Variants in DDX3X observed in about 807,000 individuals in gnomAD.
DDX3X encodes the protein DEAD-box helicase 3 X-linked, also known as ATP-dependent RNA helicase DDX3X.
DDX3X carries 4 observed loss-of-function variants against 52.7 expected under a neutral mutation model. The ratio of observed to expected loss-of-function variants is 0.08; its 90% CI spans 0.04 to 0.17. DDX3X has a LOEUF of 0.17. Ranked by LOEUF, DDX3X falls within the 10% of genes least tolerant of loss-of-function variation. The pLI, the probability that DDX3X is intolerant of heterozygous loss-of-function variation, is 1.00. For synonymous variants in DDX3X, 192 were observed against 178.1 expected (o/e 1.08, Z -0.62); for missense variants, 222 against 548.6 (o/e 0.40, Z 5.95).
At chrX:41,351,903 G>A (rs1162012165), downstream of DDX3X, among the ~76,000 whole-genome samples, 1 of 110,709 alleles carries the variant, frequency 9.0e-6, no homozygotes, top group Non-Finnish European at 1.9e-5. Flanking sequence ...TTTGTGACTT[G>A]GAAAGATGTT....
chrX:41,346,833 A>G (rs1157420174), intron 14 of DDX3X, 26 bp from the exon 15 acceptor site: 37 of 1,178,212 alleles, frequency 3.1e-5, no homozygotes, highest in East Asian at 6.0e-5. Flanking sequence ...ACCTTTGTTT[A>G]TATACTTTTT....
At chrX:41,360,357 G>A (rs1229806910) in intron 5 of DDX3X, among the ~76,000 whole-genome samples, 1 of 107,467 alleles carries the variant, frequency 9.3e-6, no homozygotes, top group African/African-American at 3.4e-5. Context: ...CAGCCTGGGC[G>A]GCAGAGTAAA....
Position 41,344,409 on chromosome X carries a change from ATTTTGTTTTTGTTTTTTTG to A in DDX3X, c.1025+20_1025+38del, listed in dbSNP as rs1268036555. ...GATTAGACTTTTGCAAGTATGTTTT[ATTTTGTTTTTGTTTTTTTG>A]TTTTGTTTTGTTTTGTTCTTTTGTT... On this transcript the variant is annotated intron_variant, in intron 10 of 16. Coordinates refer to ENST00000644876, the MANE Select transcript of DDX3X (RefSeq NM_001356.5). 8.3e-7 allele frequency: 1 copy of A among 1,208,728 alleles called. No homozygotes were observed. Among genetic ancestry groups the A allele is most frequent in the Non-Finnish European group, 1.1e-6 (1 of 893,367 alleles).
rs762591825 is a variant in DDX3X at position 41,344,222 on chromosome X, A to AT, written c.865-9dup. The AT allele has an allele frequency of 1.6e-5, 19 of 1,198,668 alleles. No individual in the cohort carries two copies. Among genetic ancestry groups the AT allele is most frequent in the Middle Eastern group, 2.3e-4 (1 of 4,299 alleles). ...AAATTTTGACCTTGAAGTTCATAACATTTTTTTTGCTTATAGTTTTCATAC... is the reference window on the plus strand; with the variant it reads ...AAATTTTGACCTTGAAGTTCATAACATTTTTTTTTGCTTATAGTTTTCATAC... On this transcript the variant is annotated splice_polypyrimidine_tract_variant and intron_variant, in intron 9 of 16. Transcript: ENST00000644876.
chrX:41,347,905 C>G lies in DDX3X; in HGVS notation c.*186C>G. On this transcript the variant is annotated 3_prime_UTR_variant, in exon 17 of 17. Transcript: ENST00000644876. ...GAAATGAAAGGAACAATCAGCAGCC[C>G]TGTTCAGAAGGTGGTTTGAAGACTT... 2.4e-6 allele frequency: 1 copy of G among 408,558 alleles called. No individual in the cohort carries two copies. The highest frequency in any genetic ancestry group is 4.9e-5 in the South Asian group (1 of 20,375). The allele number at this position is 408,558 out of a possible 1,213,427, so 33.7% of individuals were successfully genotyped here. A position where few individuals can be genotyped will look rare whatever the true frequency, so the allele number is the denominator to read the frequency against.
In DDX3X at chrX:41,347,787, T is replaced by G; in HGVS notation, c.*68T>G. On this transcript the variant is annotated 3_prime_UTR_variant, in exon 17 of 17. Coordinates refer to ENST00000644876, the MANE Select transcript of DDX3X (RefSeq NM_001356.5). ...GAAACCACATGTAACTTAGCCAGAC[T>G]ATACCTTGTGTAGCTTCAAGAACTC... 2 of 743,765 alleles carry G rather than the reference T, an allele frequency of 2.7e-6. No individual in the cohort carries two copies. The highest frequency in any genetic ancestry group is 2.1e-5 in the African/African-American group (1 of 46,877). The allele number at this position is 743,765 out of a possible 1,213,427, so 61.3% of individuals were successfully genotyped here.
At chrX:41,354,869 G>C (rs189891598), downstream of DDX3X, among the ~76,000 whole-genome samples, 29 of 110,287 alleles carry the variant, frequency 2.6e-4, no homozygotes, top group East Asian at 8.3e-3. Context: ...GTCTCACTCT[G>C]TTGCCCAGGC....
At chrX:41,334,894 C>T (rs7473709) in intron 1 of DDX3X, 6 of 427,498 alleles carry the variant, frequency 1.4e-5, no homozygotes, top group Non-Finnish European at 1.6e-5. Flanking sequence ...CTCGGGCGGG[C>T]GAAGGCCTGG....
chrX:41,334,604 C>T (rs1033413506), intron 1 of DDX3X: 4 of 1,086,795 alleles, frequency 3.7e-6, no homozygotes, highest in East Asian at 3.7e-5. Flanking sequence ...TGCGCGAATC[C>T]CGACTGATTA....
chrX:41,354,643 G>A (rs1173576960), downstream of DDX3X, among the ~76,000 whole-genome samples: 2 of 109,996 alleles, frequency 1.8e-5, no homozygotes, highest in Admixed American at 9.8e-5. Flanking sequence ...TTTTTAAATC[G>A]TATCTGTCCC....
At chrX:41,340,815 G>T (rs888451700) in intron 3 of DDX3X, 7 of 294,767 alleles carry the variant, frequency 2.4e-5, no homozygotes, top group African/African-American at 1.7e-4. Context: ...GGAAACAATG[G>T]TAACTGTTTT....
At chrX:41,337,346 C>G in intron 1 of DDX3X, 62 bp from the exon 2 acceptor site, 2 of 1,012,944 alleles carry the variant, frequency 2.0e-6, no homozygotes, top group Middle Eastern at 2.5e-4. Context: ...GAGGGCAGGA[C>G]TAGTTTTCTC....
At position 41,346,591 on chromosome X, in the gene DDX3X, T is replaced by C. The variant is rs370027290; in HGVS notation, c.1584T>C (p.Arg528=). The change falls in exon 14 of 17, where the codon CGT becomes CGC. Residue 528 remains arginine (R), a synonymous_variant. Coordinates refer to ENST00000644876, the MANE Select transcript of DDX3X (RefSeq NM_001356.5). Reference sequence around the variant, plus strand: ...GTGATATTGAAGAATATGTACATCGTATTGGTCGTACGGGACGTGTAGGAA... The same window carrying C: ...GTGATATTGAAGAATATGTACATCGCATTGGTCGTACGGGACGTGTAGGAA... The part of the protein sequence containing the change: ...LPSDIEEYVH[R]IGRTGRVGNL... The C allele has an allele frequency of 3.8e-5, 46 of 1,203,590 alleles. No individual in the cohort carries two copies. Among genetic ancestry groups the C allele is most frequent in the Non-Finnish European group, 4.7e-5 (42 of 890,584 alleles).
At chrX:41,347,073 C>G (rs1281369954) in intron 15 of DDX3X, 61 bp downstream of exon 15, 5 of 1,073,714 alleles carry the variant, frequency 4.7e-6, no homozygotes, top group Non-Finnish European at 6.3e-6. Context: ...CATAGTGTTT[C>G]CTCTGCATGC....
intron 3 of DDX3X, chrX:41,341,232 G>GGTGA (rs2063845899): frequency 3.8e-6 from 1 of 260,466 alleles, no homozygotes; most frequent in Non-Finnish European, 6.8e-6. Flanking sequence ...TGACCTGCCC[G>GGTGA]CCTTGGCCTC....
rs1288563214 is a variant in DDX3X at position 41,350,221 on chromosome X, TGTC to T, written c.*2503_*2505del. On this transcript the variant is annotated 3_prime_UTR_variant, in exon 17 of 17. Transcript: ENST00000644876. ...TGAACTGCACAGTCTCCTTTGTTGT[TGTC>T]AATTGTGGTTTATTTTCAGAGGTGT... The T allele has an allele frequency of 3.6e-5, 4 of 112,554 alleles. No individual in the cohort carries two copies. Among genetic ancestry groups the T allele is most frequent in the African/African-American group, 9.7e-5 (3 of 30,959 alleles). 9.3% of individuals were successfully genotyped at this position (112,554 alleles called of 1,213,427 possible).
Position 41,343,278 on chromosome X carries a change from C to T in DDX3X, c.606C>T (p.Arg202=), listed in dbSNP as rs1358728169. ...MGNIELTRYT[R]PTPVQKHAIP... ...ACATTGAGCTTACTCGTTATACTCG[C>T]CCAACTCCAGTGCAAAAGCATGCTA... is the stretch of plus-strand genomic sequence containing the variant. The change falls in exon 7 of 17, where the codon CGC becomes CGT. Residue 202 remains arginine (R), a synonymous_variant. Transcript: ENST00000644876. 3.3e-6 allele frequency: 4 copies of T among 1,207,202 alleles called. No homozygotes were observed. The highest frequency in any genetic ancestry group is 5.9e-5 in the East Asian group (2 of 33,793).
chrX:41,358,944 A>T lies in DDX3X; in HGVS notation c.655-5330A>T, dbSNP rs760487636. On this transcript the variant is annotated intron_variant, in intron 5 of 5. Transcript: ENST00000616050. ...TGGCTAATTTTTGTATTTTTAGTAG[A>T]GACAGGGTTTCACCATGTTGGCCAG... is the stretch of plus-strand genomic sequence containing the variant. Among the ~76,000 whole-genome samples the T allele has an allele frequency of 5.4e-5, 6 of 111,101 alleles. No individual in the cohort carries two copies. The South Asian group carries it at 2.3e-3, about 42-fold the overall frequency.
intron 2 of DDX3X, 23 bp from the exon 3 acceptor site, chrX:41,339,013 T>C (rs2063809943): frequency 1.6e-6 from 1 of 631,528 alleles, no homozygotes; most frequent in Non-Finnish European, 2.1e-6. Flanking sequence ...TAATTAATTT[T>C]ATATATATAT....
Sources: allele counts gnomAD v4.1 joint callset (sites outside exome capture counted in the v4.1 genomes callset), GRCh38; gene constraint gnomAD v4.1.1; transcripts MANE v1.5; gene names NCBI Gene and HGNC (gene_info 2026-07-23, HGNC 2026-07-21).